The following DCAF8L2 variants were observed in gnomAD, a reference collection of about 807,000 sequenced individuals.
DCAF8L2 encodes DDB1 and CUL4 associated factor 8 like 2.
For missense variants in DCAF8L2, 430 were observed against 490.7 expected, an observed-to-expected ratio of 0.88 and a Z score of 1.17; for synonymous variants, 200 against 190.9, an observed-to-expected ratio of 1.05 and a Z score of -0.39.
chrX:27,543,902 T>C, the DCAF8L2 span, among the ~76,000 whole-genome samples: 1 of 111,440 alleles, frequency 9.0e-6, no homozygotes, highest in Non-Finnish European at 1.9e-5. Context: ...ATATACTTCT[T>C]TGACATATTT....
At chrX:27,704,590 G>A (rs753486825) in intron 3 of DCAF8L2, among the ~76,000 whole-genome samples, 7 of 110,157 alleles carry the variant, frequency 6.4e-5, no homozygotes, top group Non-Finnish European at 1.3e-4. Context: ...GAGATTTAAT[G>A]TACAGCATAA....
chrX:27,733,552 T>G (rs1223649931), intron 4 of DCAF8L2, among the ~76,000 whole-genome samples: 1 of 111,988 alleles, frequency 8.9e-6, no homozygotes, highest in Non-Finnish European at 1.9e-5. Flanking sequence ...CTTTTTATGT[T>G]TGCTTTTGTT....
chrX:27,551,618 A>G, the DCAF8L2 span, among the ~76,000 whole-genome samples: 1 of 111,491 alleles, frequency 9.0e-6, no homozygotes, highest in African/African-American at 3.3e-5. Context: ...TTCACTTAAC[A>G]TTATGTTCTC....
the DCAF8L2 span, among the ~76,000 whole-genome samples, chrX:27,533,247 A>G: frequency 2.0e-5 from 2 of 101,242 alleles, no homozygotes; most frequent in Non-Finnish European, 4.1e-5. Context: ...AAAGAAAGAA[A>G]GAAAGAAAGA....
intron 2 of DCAF8L2, among the ~76,000 whole-genome samples, chrX:27,648,711 T>G (rs1238862701): frequency 9.0e-6 from 1 of 110,949 alleles, no homozygotes; most frequent in African/African-American, 3.3e-5. Flanking sequence ...AGTACTGATG[T>G]TACAAGTCTC....
intron 2 of DCAF8L2, among the ~76,000 whole-genome samples, chrX:27,656,217 C>T (rs984888574): frequency 8.9e-6 from 1 of 112,130 alleles, no homozygotes; most frequent in African/African-American, 3.2e-5. Flanking sequence ...GGAGAAGTAG[C>T]AGATTGGACA....
chrX:27,569,987 T>G, the DCAF8L2 span, among the ~76,000 whole-genome samples: 1 of 111,994 alleles, frequency 8.9e-6, no homozygotes, highest in Non-Finnish European at 1.9e-5. Context: ...TTCAACTTTT[T>G]GAAGCTTAAA....
chrX:27,624,527 A>G (rs1044341291), intron 1 of DCAF8L2, among the ~76,000 whole-genome samples: 3 of 111,484 alleles, frequency 2.7e-5, no homozygotes, highest in Non-Finnish European at 5.7e-5. Flanking sequence ...ACTCATATGG[A>G]ATCAAAAAAG....
intron 3 of DCAF8L2, among the ~76,000 whole-genome samples, chrX:27,684,003 G>C (rs1930413847): frequency 8.9e-6 from 1 of 112,439 alleles, no homozygotes; most frequent in African/African-American, 3.2e-5. Context: ...AAATACCGCC[G>C]CCTAGTGGCA....
intron 4 of DCAF8L2, among the ~76,000 whole-genome samples, chrX:27,744,055 G>T (rs747640644): frequency 9.0e-6 from 1 of 111,284 alleles, no homozygotes; most frequent in South Asian, 3.8e-4. Flanking sequence ...TTAATGTCAG[G>T]AGTTAAACAT....
At chrX:27,481,318 C>A in the DCAF8L2 span, among the ~76,000 whole-genome samples, 1 of 110,527 alleles carries the variant, frequency 9.0e-6, no homozygotes. Context: ...ATGGAGGTTG[C>A]AGTGAGCTGA....
the DCAF8L2 span, among the ~76,000 whole-genome samples, chrX:27,514,388 G>T: frequency 9.2e-6 from 1 of 109,215 alleles, no homozygotes; most frequent in African/African-American, 3.4e-5. Context: ...GAGTGAAATC[G>T]GCCGCGCGCG....
At chrX:27,622,025 T>TAAAAAAAAAAAA (rs1569163104) in intron 1 of DCAF8L2, among the ~76,000 whole-genome samples, 4 of 108,946 alleles carry the variant, frequency 3.7e-5, no homozygotes, top group African/African-American at 1.4e-4. Context: ...AAGATGTTAG[T>TAAAAAAAAAAAA]AAGAATATAT....
chrX:27,542,764 G>A, the DCAF8L2 span, among the ~76,000 whole-genome samples: 2 of 108,704 alleles, frequency 1.8e-5, no homozygotes, highest in Non-Finnish European at 3.8e-5. Context: ...GGATGGTCTC[G>A]ATCTCCTGAC....
intron 1 of DCAF8L2, among the ~76,000 whole-genome samples, chrX:27,600,411 T>C (rs952539926): frequency 4.5e-5 from 5 of 111,881 alleles, no homozygotes; most frequent in Non-Finnish European, 7.5e-5. Flanking sequence ...CAAACTTTGT[T>C]TGAGTTTTAT....
chrX:27,539,951 C>G, the DCAF8L2 span, among the ~76,000 whole-genome samples: 411 of 110,401 alleles, frequency 3.7e-3, no homozygotes, highest in Middle Eastern at 0.014. Flanking sequence ...TTGTCAGTGT[C>G]CTTCTGCTTG....
At chrX:27,677,234 C>T (rs1257972159) in intron 2 of DCAF8L2, among the ~76,000 whole-genome samples, 2 of 111,814 alleles carry the variant, frequency 1.8e-5, no homozygotes, top group African/African-American at 3.2e-5. Flanking sequence ...ATCCCACAAA[C>T]ACTGTGTGTT....
the DCAF8L2 span, among the ~76,000 whole-genome samples, chrX:27,527,507 G>T: frequency 9.0e-6 from 1 of 110,858 alleles, no homozygotes; most frequent in Non-Finnish European, 1.9e-5. Context: ...TTCGGCTCAC[G>T]CTCGGTGGGC....
At chrX:27,505,263 G>A in the DCAF8L2 span, among the ~76,000 whole-genome samples, 1 of 111,148 alleles carries the variant, frequency 9.0e-6, no homozygotes, top group African/African-American at 3.3e-5. Context: ...ACCCATAGAT[G>A]TATGACTTAA....
Sources: allele counts gnomAD v4.1 joint callset (sites outside exome capture counted in the v4.1 genomes callset), GRCh38; gene constraint gnomAD v4.1.1; transcripts MANE v1.5; gene names NCBI Gene and HGNC (gene_info 2026-07-23, HGNC 2026-07-21).